PCDHA5: variants seen among roughly 807,000 people sequenced by gnomAD.
The protein encoded by PCDHA5 is protocadherin alpha 5, also known as protocadherin alpha-5.
In PCDHA5, 43 loss-of-function variants were observed where a neutral mutation model predicts 61.6. The observed-to-expected ratio is 0.70, with a 90% CI of 0.55 to 0.90. PCDHA5 has a LOEUF of 0.90. Among genes scored for constraint, PCDHA5 ranks in the 40% least tolerant of loss-of-function variants. PCDHA5 has a pLI of 0.00. For missense variants in PCDHA5, 1,298 were observed against 1,222.7 expected (o/e 1.06, Z -0.92); for synonymous variants, 627 against 543.9 (o/e 1.15, Z -2.13).
intron 1 of PCDHA5, among the ~76,000 whole-genome samples, chr5:140,886,192 G>A (rs2060891690): frequency 6.6e-6 from 1 of 152,118 alleles, no homozygotes; most frequent in Non-Finnish European, 1.5e-5. Context: ...CTGGCAAGCA[G>A]TAATCTGTTC....
intron 1 of PCDHA5, chr5:140,825,159 C>CT (rs1768465166): frequency 6.6e-6 from 1 of 151,540 alleles, no homozygotes; most frequent in Non-Finnish European, 1.5e-5. Flanking sequence ...TTTAATCTTG[C>CT]TTTTTTCATT....
chr5:140,912,222 C>G (rs782160814), intron 1 of PCDHA5, among the ~76,000 whole-genome samples: 2 of 151,926 alleles, frequency 1.3e-5, no homozygotes, highest in Non-Finnish European at 2.9e-5. Flanking sequence ...CTGCCTTTCC[C>G]AGTCCACTGA....
intron 1 of PCDHA5, chr5:140,928,916 G>A (rs1287378711): frequency 5.0e-6 from 8 of 1,613,988 alleles, no homozygotes; most frequent in East Asian, 2.2e-5. Flanking sequence ...GAACCAGGAG[G>A]GCAGCTTTCT....
Position 140,822,062 on chromosome 5 carries a change from G to T in PCDHA5, c.287G>T (p.Arg96Leu), listed in dbSNP as rs997674203. The T allele has an allele frequency of 3.1e-6, 5 of 1,614,086 alleles. No individual in the cohort carries two copies. The highest frequency in any genetic ancestry group is 2.2e-5 in the East Asian group (1 of 44,906). Residue 96 changes from arginine (R) to leucine (L), a missense_variant, in exon 1 of 4, where the codon CGG (arginine) becomes CTG (leucine). Coordinates refer to ENST00000529859, the MANE Select transcript of PCDHA5 (RefSeq NM_018908.3). ...CGGATCGACCGGGAGGAGCTGTGCCGGCGGAGGGCGGAGTGCAGCATCCAC... is the reference window on the plus strand; with the variant it reads ...CGGATCGACCGGGAGGAGCTGTGCCTGCGGAGGGCGGAGTGCAGCATCCAC... ...NSRIDREELCRRRAECSIHLE... is the reference protein window; with the variant it reads ...NSRIDREELCLRRAECSIHLE...
chr5:141,001,403 G>C (rs2098015477), intron 3 of PCDHA5, among the ~76,000 whole-genome samples: 1 of 152,232 alleles, frequency 6.6e-6, no homozygotes, highest in Non-Finnish European at 1.5e-5. Flanking sequence ...AGAACAGGGA[G>C]TATATTTTTA....
At chr5:140,829,351 C>T in intron 1 of PCDHA5, 1 of 1,614,246 alleles carries the variant, frequency 6.2e-7, no homozygotes, top group South Asian at 1.1e-5. Flanking sequence ...GCGTGTCGGC[C>T]TATGAGTTGG....
At chr5:140,855,517 A>G (rs2043504995) in intron 1 of PCDHA5, among the ~76,000 whole-genome samples, 1 of 149,978 alleles carries the variant, frequency 6.7e-6, no homozygotes, top group Admixed American at 6.7e-5. Flanking sequence ...TCTCAAAATA[A>G]TGAGAAAGAG....
At chr5:140,857,733 C>T (rs2044837813) in intron 1 of PCDHA5, 1 of 1,597,494 alleles carries the variant, frequency 6.3e-7, no homozygotes, top group Non-Finnish European at 8.6e-7. Flanking sequence ...GACAACGCTC[C>T]CGCGCTGCTG....
chr5:140,964,363 G>A (rs1050460842), intron 1 of PCDHA5, among the ~76,000 whole-genome samples: 1 of 152,188 alleles, frequency 6.6e-6, no homozygotes, highest in Non-Finnish European at 1.5e-5. Flanking sequence ...GATGACAAGA[G>A]TGCTGAAAGG....
At chr5:140,857,904 T>A (rs781796196) in intron 1 of PCDHA5, 3 of 1,597,710 alleles carry the variant, frequency 1.9e-6, no homozygotes, top group Admixed American at 3.4e-5. Context: ...GGTGCACGCA[T>A]CCCGTTTCGC....
In PCDHA5 at chr5:140,849,870, G is replaced by T. The variant is rs2150455328; in HGVS notation, c.2352+25743G>T. ...CAACGCACCAGCGTTCGCGCAGTCC[G>T]AGTACACGGTGTTCGTGAAGGAGAA... On this transcript the variant is annotated intron_variant, in intron 1 of 3. Coordinates refer to ENST00000529859, the MANE Select transcript of PCDHA5 (RefSeq NM_018908.3). 25 of 1,598,494 alleles carry T rather than the reference G, an allele frequency of 1.6e-5. 2 individuals carry two copies. The highest frequency in any genetic ancestry group is 2.1e-5 in the Non-Finnish European group (24 of 1,167,988).
chr5:140,845,350 T>C (rs1779833131), intron 1 of PCDHA5, among the ~76,000 whole-genome samples: 1 of 149,732 alleles, frequency 6.7e-6, no homozygotes, highest in South Asian at 2.1e-4. Context: ...AAACATTTAA[T>C]TGACTTTTAC....
chr5:140,867,552 TATG>T (rs1353762493), intron 1 of PCDHA5: 1 of 152,120 alleles, frequency 6.6e-6, no homozygotes, highest in Non-Finnish European at 1.5e-5. Flanking sequence ...AGCATACACA[TATG>T]ATAACTTTTT....
At position 140,849,641 on chromosome 5, in the gene PCDHA5, C is replaced by A. The variant is rs2150443548; in HGVS notation, c.2352+25514C>A. 5 of 1,598,742 alleles carry A rather than the reference C, an allele frequency of 3.1e-6. 2 individuals are homozygous for A. Among genetic ancestry groups the A allele is most frequent in the Non-Finnish European group, 2.6e-6 (3 of 1,167,966 alleles). ...TGATCGACCTAGACGCAGATGCCAA[C>A]GGGCAGGTTACCTGCTCCCTGACGC... On this transcript the variant is annotated intron_variant, in intron 1 of 3. Coordinates refer to ENST00000529859, the MANE Select transcript of PCDHA5 (RefSeq NM_018908.3).
chr5:140,828,095 G>A (rs2150150878), intron 1 of PCDHA5: 2 of 1,604,514 alleles, frequency 1.2e-6, no homozygotes, highest in African/African-American at 1.3e-5. Flanking sequence ...ATTTGACATG[G>A]TGTTTACCCC....
intron 1 of PCDHA5, among the ~76,000 whole-genome samples, chr5:140,897,888 G>C (rs1554187649): frequency 6.6e-6 from 1 of 152,150 alleles, no homozygotes; most frequent in Non-Finnish European, 1.5e-5. Flanking sequence ...ATTCTAACTG[G>C]TGTGAGATGG....
chr5:140,880,449 T>G (rs2058348423), intron 1 of PCDHA5, among the ~76,000 whole-genome samples: 1 of 152,024 alleles, frequency 6.6e-6, no homozygotes. Flanking sequence ...TAGTAGAAAA[T>G]GAAAACAGAT....
At chr5:140,906,502 C>G (rs182726471) in intron 1 of PCDHA5, among the ~76,000 whole-genome samples, 2 of 152,298 alleles carry the variant, frequency 1.3e-5, no homozygotes, top group African/African-American at 4.8e-5. Context: ...ATGTTTTTAA[C>G]AAAGAAGGAG....
intron 1 of PCDHA5, chr5:140,825,414 T>A (rs1768561568): frequency 6.8e-6 from 1 of 146,716 alleles, no homozygotes. Context: ...ATATTTTATA[T>A]AATATATATA....
Sources: allele counts gnomAD v4.1 joint callset (sites outside exome capture counted in the v4.1 genomes callset), GRCh38; gene constraint gnomAD v4.1.1; transcripts MANE v1.5; gene names NCBI Gene and HGNC (gene_info 2026-07-23, HGNC 2026-07-21).